The following BBS9 variants were observed in gnomAD, a reference collection of about 807,000 sequenced individuals.
The protein encoded by BBS9 is Bardet-Biedl syndrome 9.
Under a neutral mutation model 117.7 loss-of-function variants are expected in BBS9, and 89 were observed. The ratio of observed to expected loss-of-function variants is 0.76; its 90% CI spans 0.64 to 0.90. The LOEUF is 0.90. Ranked by LOEUF, BBS9 falls within the 40% of genes least tolerant of loss-of-function variation. The pLI is 0.00. For synonymous variants in BBS9, 379 were observed against 370.9 expected (o/e 1.02, Z -0.25); for missense variants, 982 against 1,042.2 (o/e 0.94, Z 0.80).
intron 9 of BBS9, among the ~76,000 whole-genome samples, chr7:33,299,125 G>C (rs1805857714): frequency 6.6e-6 from 1 of 152,172 alleles, no homozygotes; most frequent in Non-Finnish European, 1.5e-5. Flanking sequence ...AACCAATCTA[G>C]CTATCATGCT....
At chr7:33,484,891 C>T (rs555032218) in intron 19 of BBS9, among the ~76,000 whole-genome samples, 45 of 152,224 alleles carry the variant, frequency 3.0e-4, no homozygotes, top group Middle Eastern at 3.4e-3. Flanking sequence ...ATGGAATCAG[C>T]GCAAATGCCT....
intron 17 of BBS9, among the ~76,000 whole-genome samples, chr7:33,374,584 A>C (rs759802296): frequency 7.9e-5 from 12 of 152,162 alleles, no homozygotes; most frequent in Admixed American, 2.0e-4. Flanking sequence ...CTAATATTGA[A>C]GAGGTTGTAT....
chr7:33,157,436 A>G (rs1794257429), intron 4 of BBS9, among the ~76,000 whole-genome samples: 1 of 152,184 alleles, frequency 6.6e-6, no homozygotes, highest in Non-Finnish European at 1.5e-5. Flanking sequence ...TGTCCAAACT[A>G]CATTCTCTTA....
chr7:33,203,509 TGA>T (rs1786290161), intron 5 of BBS9, among the ~76,000 whole-genome samples: 1 of 152,138 alleles, frequency 6.6e-6, no homozygotes, highest in Admixed American at 6.5e-5. Context: ...GTGTTGTTTC[TGA>T]GGCCTCACTT....
chr7:33,436,955 A>G (rs1439858739), intron 19 of BBS9, among the ~76,000 whole-genome samples: 3 of 152,236 alleles, frequency 2.0e-5, no homozygotes, highest in Admixed American at 2.0e-4. Context: ...TAACTGTGAC[A>G]TAGTTTATTT....
intron 8 of BBS9, 55 bp downstream of exon 8, chr7:33,273,250 C>T (rs1800152552): frequency 3.1e-5 from 48 of 1,568,412 alleles, no homozygotes; most frequent in Non-Finnish European, 4.0e-5. Context: ...ATGTGATATA[C>T]ACCAGAAAAA....
intron 19 of BBS9, among the ~76,000 whole-genome samples, chr7:33,414,952 A>C (rs1831743025): frequency 6.6e-6 from 1 of 152,180 alleles, no homozygotes; most frequent in African/African-American, 2.4e-5. Flanking sequence ...TTAAAAATTG[A>C]AATCACAACT....
chr7:33,422,872 A>G (rs1208429958), intron 19 of BBS9, among the ~76,000 whole-genome samples: 1 of 152,108 alleles, frequency 6.6e-6, no homozygotes, highest in Non-Finnish European at 1.5e-5. Flanking sequence ...TTCCTCCTAA[A>G]GTGCTGGGAT....
intron 21 of BBS9, among the ~76,000 whole-genome samples, chr7:33,622,652 A>G (rs1291656770): frequency 6.6e-6 from 1 of 152,212 alleles, no homozygotes; most frequent in Non-Finnish European, 1.5e-5. Context: ...AAAGGCCTCA[A>G]AACAGCCATT....
At chr7:33,139,198 G>C (rs1433757339) in intron 1 of BBS9, among the ~76,000 whole-genome samples, 1 of 151,232 alleles carries the variant, frequency 6.6e-6, no homozygotes, top group African/African-American at 2.4e-5. Context: ...GTTGCGGTGA[G>C]CTGAGATTGT....
chr7:33,220,471 A>G (rs765748725), intron 5 of BBS9, among the ~76,000 whole-genome samples: 2 of 152,190 alleles, frequency 1.3e-5, no homozygotes, highest in Non-Finnish European at 2.9e-5. Flanking sequence ...GCTGTGTCCT[A>G]TTGTGGTCAG....
chr7:33,423,266 G>A lies in BBS9; in HGVS notation c.2115+35122G>A, dbSNP rs1833134962. 2.0e-5 allele frequency among the ~76,000 whole-genome samples: 3 copies of A among 152,274 alleles called. No homozygotes were observed. The South Asian group carries it at 6.2e-4, about 32-fold the overall frequency. On this transcript the variant is annotated intron_variant, in intron 19 of 22. Transcript: ENST00000242067. Reference sequence around the variant, plus strand: ...GCAGAGAACATCTGCCTCTGCTGCTGGGGTCAGGAGCAGCCTGGAGCCTGT... The same window carrying A: ...GCAGAGAACATCTGCCTCTGCTGCTAGGGTCAGGAGCAGCCTGGAGCCTGT...
chr7:33,548,609 G>C (rs1853820275), intron 21 of BBS9, among the ~76,000 whole-genome samples: 1 of 148,384 alleles, frequency 6.7e-6, no homozygotes. Context: ...TTGGTTTTTT[G>C]TTCTTGCGAT....
chr7:33,541,403 C>A (rs1852275546), intron 21 of BBS9, among the ~76,000 whole-genome samples: 1 of 152,146 alleles, frequency 6.6e-6, no homozygotes, highest in African/African-American at 2.4e-5. Flanking sequence ...GCCCATCAAT[C>A]AATGATAACA....
intron 20 of BBS9, among the ~76,000 whole-genome samples, chr7:33,517,557 C>T (rs1459768522): frequency 1.3e-5 from 2 of 152,222 alleles, no homozygotes; most frequent in East Asian, 3.8e-4. Context: ...CGTTGCCGCT[C>T]AACAGCATAC....
chr7:33,601,095 C>T (rs1563432140), intron 21 of BBS9, among the ~76,000 whole-genome samples: 2 of 152,122 alleles, frequency 1.3e-5, no homozygotes, highest in African/African-American at 2.4e-5. Context: ...TTTACCCTTG[C>T]GAAGTGAGGG....
chr7:33,619,968 C>T (rs1248532033), intron 21 of BBS9, among the ~76,000 whole-genome samples: 2 of 151,826 alleles, frequency 1.3e-5, no homozygotes, highest in Non-Finnish European at 2.9e-5. Flanking sequence ...CAAACTAAGA[C>T]CAAAGTCAGC....
At chr7:33,450,470 C>A (rs913200764) in intron 19 of BBS9, among the ~76,000 whole-genome samples, 2 of 152,150 alleles carry the variant, frequency 1.3e-5, no homozygotes, top group African/African-American at 4.8e-5. Flanking sequence ...ATAGCAGTTG[C>A]ACTCTTTTAC....
Position 33,228,000 on chromosome 7 carries a change from G to A in BBS9, c.443-29236G>A, listed in dbSNP as rs75082508. On this transcript the variant is annotated intron_variant, in intron 5 of 22. Coordinates refer to ENST00000242067, the MANE Select transcript of BBS9 (RefSeq NM_198428.3). ...TCCTTTGGGTAGATATCCAGTAGTGGCATTACTGGATTGAATGGTAGTTCT... is the reference window on the plus strand; with the variant it reads ...TCCTTTGGGTAGATATCCAGTAGTGACATTACTGGATTGAATGGTAGTTCT... Among the ~76,000 whole-genome samples the A allele has an allele frequency of 0.018, 2,743 of 152,166 alleles. 220 individuals are homozygous for A. The East Asian group carries it at 0.27, about 15-fold the overall frequency.
Sources: gnomAD v4.1 joint callset for allele counts (sites outside exome capture counted in the v4.1 genomes callset) on GRCh38, gnomAD v4.1.1 for gene constraint, MANE v1.5 for transcripts, NCBI Gene and HGNC (gene_info 2026-07-23, HGNC 2026-07-21) for gene names.